LACTB: variants seen among roughly 807,000 people sequenced by gnomAD.
The protein encoded by LACTB is lactamase beta.
In LACTB, 35 loss-of-function variants were observed where a neutral mutation model predicts 50.2. The ratio of observed to expected loss-of-function variants is 0.70; its 90% confidence interval spans 0.53 to 0.92. The LOEUF is 0.92. LACTB is among the 40% of genes least tolerant of loss of function. LACTB has a pLI of 0.00. For synonymous variants in LACTB, 252 were observed against 268.2 expected (o/e 0.94, Z 0.59); for missense variants, 664 against 691.8 (o/e 0.96, Z 0.45).
chr15:63,140,613 G>A (rs1211561266), intron 5 of LACTB, among the ~76,000 whole-genome samples: 1 of 152,076 alleles, frequency 6.6e-6, no homozygotes, highest in Non-Finnish European at 1.5e-5. Context: ...AAACTACCAT[G>A]TCACATCATT....
intron 5 of LACTB, chr15:63,131,439 G>A (rs1305459604): frequency 6.6e-6 from 1 of 152,144 alleles, no homozygotes; most frequent in East Asian, 1.9e-4. Flanking sequence ...TAATAAAACT[G>A]TAACAGTAAA....
At chr15:63,126,780 A>G in intron 2 of LACTB, 79 bp from the exon 3 acceptor site, 1 of 786,290 alleles carries the variant, frequency 1.3e-6, no homozygotes, top group East Asian at 2.7e-5. Flanking sequence ...ATGTTTAAAG[A>G]TAGTATTATT....
chr15:63,123,538 C>T (rs2037006617), intron 2 of LACTB, among the ~76,000 whole-genome samples: 1 of 151,932 alleles, frequency 6.6e-6, no homozygotes, highest in Non-Finnish European at 1.5e-5. Context: ...CAGCTGGGCC[C>T]GGGGGACCGC....
chr15:63,135,191 C>T (rs2037165166), intron 5 of LACTB, among the ~76,000 whole-genome samples: 1 of 151,822 alleles, frequency 6.6e-6, no homozygotes, highest in South Asian at 2.1e-4. Flanking sequence ...AATTTTTTAG[C>T]TTTGTGTTCT....
chr15:63,127,143 T>C lies in LACTB; in HGVS notation c.615+94T>C, dbSNP rs1407923921. ...ATGTTTCATAGGATTCTTTGGCTTG[T>C]TTTTAGTTATTGTTAATGTATTAGT... On this transcript the variant is annotated intron_variant, in intron 3 of 5. Coordinates refer to ENST00000261893, the MANE Select transcript of LACTB (RefSeq NM_032857.5). The C allele has an allele frequency of 2.8e-6, 3 of 1,076,822 alleles. No homozygotes were observed. In the African/African-American group the frequency reaches 4.8e-5, roughly 17 times the overall value. The allele number at this position is 1,076,822 out of a possible 1,614,324, so 66.7% of individuals were successfully genotyped here. A position where few individuals can be genotyped will look rare whatever the true frequency, so the allele number is the denominator to read the frequency against.
At position 63,127,528 on chromosome 15, in the gene LACTB, A is replaced by G. The variant is rs1486870661; in HGVS notation, c.791A>G (p.Lys264Arg). 1 of 1,613,472 alleles carries G rather than the reference A, an allele frequency of 6.2e-7. No homozygotes were observed. Among genetic ancestry groups the G allele is most frequent in the Non-Finnish European group, 8.5e-7 (1 of 1,179,884 alleles). Residue 264 changes from lysine (K) to arginine (R), a missense_variant, in exon 4 of 6, where the codon AAA becomes AGA. Lys to Arg is a conservative substitution (Grantham distance 26). Coordinates refer to ENST00000261893, the MANE Select transcript of LACTB (RefSeq NM_032857.5). ...AGTAATGAAAAGAATGATTTTACTAAATTTAAAACAGAGCAGGAGAATGAA... is the reference window on the plus strand; with the variant it reads ...AGTAATGAAAAGAATGATTTTACTAGATTTAAAACAGAGCAGGAGAATGAA... ...GKSNEKNDFT[K>R]FKTEQENEAK...
intron 1 of LACTB, 172 bp from the exon 2 acceptor site, chr15:63,122,464 G>T (rs976043835): frequency 1.4e-6 from 1 of 722,788 alleles, no homozygotes; most frequent in African/African-American, 1.8e-5. Flanking sequence ...GGGGCGGACA[G>T]GCACATCCCT....
At chr15:63,141,228 G>C (rs771792991) in intron 5 of LACTB, 52 bp from the exon 6 acceptor site, 2 of 1,533,066 alleles carry the variant, frequency 1.3e-6, no homozygotes, top group African/African-American at 2.8e-5. Flanking sequence ...ATCATCATGT[G>C]TGAAGCCAGT....
intron 5 of LACTB, among the ~76,000 whole-genome samples, chr15:63,135,791 G>A (rs1206749335): frequency 1.3e-5 from 2 of 152,208 alleles, no homozygotes; most frequent in Non-Finnish European, 2.9e-5. Context: ...TGGCATGGAT[G>A]TATGACCTTA....
chr15:63,129,576 G>T lies in LACTB; in HGVS notation c.1044G>T (p.Gln348His). 6.2e-7 allele frequency: 1 copy of T among 1,613,442 alleles called. No homozygotes were observed. The highest frequency in any genetic ancestry group is 8.5e-7 in the Non-Finnish European group (1 of 1,179,752). ...ASGCKYLDYM[Q>H]KIFHDLDMLT... ...GATGTAAATATTTGGACTATATGCA[G>T]AAAATATTCCATGACTTGGATATGC... is the stretch of plus-strand genomic sequence containing the variant. The change falls in exon 5 of 6, where the codon CAG (glutamine) becomes CAT (histidine). Residue 348 changes from glutamine to histidine, a missense_variant. Gln to His is a conservative substitution (Grantham distance 24). Transcript: ENST00000261893.
At chr15:63,126,641 G>A (rs988291428) in intron 2 of LACTB, among the ~76,000 whole-genome samples, 1 of 152,088 alleles carries the variant, frequency 6.6e-6, no homozygotes, top group Non-Finnish European at 1.5e-5. Flanking sequence ...TGCAAACAGG[G>A]TACAATTTCA....
intron 5 of LACTB, chr15:63,130,696 G>A (rs112492528): frequency 7.2e-5 from 11 of 152,136 alleles, no homozygotes; most frequent in African/African-American, 2.4e-4. Context: ...GCATTTACTT[G>A]TCATATCTAT....
At chr15:63,139,027 G>A (rs1360737432) in intron 5 of LACTB, among the ~76,000 whole-genome samples, 35 of 133,382 alleles carry the variant, frequency 2.6e-4, no homozygotes, top group Middle Eastern at 4.5e-3. Context: ...CTAGGTGAAA[G>A]AGCAAGACTC....
rs575647013 is a variant in LACTB, at chr15:63,129,462, C to T, written c.953-23C>T. On this transcript the variant is annotated intron_variant, in intron 4 of 5. Coordinates refer to ENST00000261893, the MANE Select transcript of LACTB (RefSeq NM_032857.5). The stretch of plus-strand genomic sequence containing the variant: ...TAATAATCAAGTATTTTATTTTTTT[C>T]CTCCTCGCAATGATGTCTCAAGGTA... 24 of 1,496,878 alleles carry T rather than the reference C, an allele frequency of 1.6e-5. No individual in the cohort carries two copies. The South Asian group carries it at 2.7e-4, about 17-fold the overall frequency. The allele number at this position is 1,496,878 out of a possible 1,614,324, so 92.7% of individuals were successfully genotyped here.
Position 63,129,501 on chromosome 15 carries a change from T to A in LACTB, c.969T>A (p.Tyr323Ter). 2 of 1,593,682 alleles carry A rather than the reference T, an allele frequency of 1.3e-6. No individual in the cohort carries two copies. Among genetic ancestry groups the A allele is most frequent in the South Asian group, 2.3e-5 (2 of 86,410 alleles). The change falls in exon 5 of 6, where the codon TAT becomes TAA. Residue 323 changes from tyrosine (Y) to a stop codon, truncating the protein, a stop_gained. Transcript: ENST00000261893. LOFTEE classifies it high-confidence loss of function. The part of the protein sequence containing the change: ...LFFKPGSQFL[Y>*]STFGYTLLAA... ...TGTCTCAAGGTAGTCAGTTTTTGTA[T>A]TCAACTTTTGGCTATACCCTACTGG...
intron 5 of LACTB, among the ~76,000 whole-genome samples, chr15:63,136,477 TGATTC>T (rs1441496395): frequency 4.6e-5 from 7 of 152,190 alleles, no homozygotes; most frequent in Non-Finnish European, 8.8e-5. Context: ...AAAGGGTAGT[TGATTC>T]ATTTTAGTTA....
At chr15:63,135,257 A>G (rs1454183800) in intron 5 of LACTB, among the ~76,000 whole-genome samples, 1 of 152,174 alleles carries the variant, frequency 6.6e-6, no homozygotes, top group Non-Finnish European at 1.5e-5. Flanking sequence ...TAATTGTTCA[A>G]TTATCAGCTT....
At chr15:63,139,511 G>A (rs1008345321) in intron 5 of LACTB, among the ~76,000 whole-genome samples, 3 of 152,166 alleles carry the variant, frequency 2.0e-5, no homozygotes, top group Admixed American at 6.5e-5. Flanking sequence ...AAGTTAGCCA[G>A]ATGTGGTGGC....
rs768136920 is a variant in LACTB, at chr15:63,129,649, A to C, written c.1117A>C (p.Arg373=). ...ENEPVIYNRA[R]FYVYNKKKRL... is the part of the protein sequence containing the mutation. ...CGAGCCAGTGATTTACAATAGAGCA[A>C]GGTAAATGAATACCTTCTGCTGTGT... Residue 373 remains arginine (R), a splice_region_variant and synonymous_variant, in exon 5 of 6, where the codon AGA becomes CGA. Coordinates refer to ENST00000261893, the MANE Select transcript of LACTB (RefSeq NM_032857.5). 3 of 1,598,532 alleles carry C rather than the reference A, an allele frequency of 1.9e-6. No homozygotes were observed. The highest frequency in any genetic ancestry group is 2.3e-5 in the South Asian group (2 of 88,168).
Sources: allele counts gnomAD v4.1 joint callset (sites outside exome capture counted in the v4.1 genomes callset), GRCh38; gene constraint gnomAD v4.1.1; transcripts MANE v1.5; gene names NCBI Gene and HGNC (gene_info 2026-07-23, HGNC 2026-07-21).